KIAA0825: variants seen among roughly 807,000 people sequenced by gnomAD.
KIAA0825 encodes the protein uncharacterized protein KIAA0825.
In KIAA0825, 119 loss-of-function variants were observed where a neutral mutation model predicts 147.6. That is an observed-to-expected ratio of 0.81 (90% CI 0.69 to 0.94). The LOEUF is 0.94. KIAA0825 is among the 40% of genes least tolerant of loss of function. The pLI is 0.00. For missense variants in KIAA0825, 1,381 were observed against 1,472.7 expected, an observed-to-expected ratio of 0.94 and a Z score of 1.02; for synonymous variants, 470 against 518.1, an observed-to-expected ratio of 0.91 and a Z score of 1.26.
At chr5:94,413,189 G>C (rs1409945608) in intron 15 of KIAA0825, 4 of 151,634 alleles carry the variant, frequency 2.6e-5, no homozygotes, top group Non-Finnish European at 5.9e-5. Context: ...GACCGCAGAT[G>C]ATCTCCCACT....
At chr5:94,468,769 C>T (rs1395365819) in intron 10 of KIAA0825, among the ~76,000 whole-genome samples, 1 of 152,106 alleles carries the variant, frequency 6.6e-6, no homozygotes, top group Non-Finnish European at 1.5e-5. Flanking sequence ...GTGACAGGAG[C>T]GATTCTGATG....
chr5:94,600,645 C>G (rs1786230651), intron 1 of KIAA0825, among the ~76,000 whole-genome samples: 1 of 152,120 alleles, frequency 6.6e-6, no homozygotes, highest in African/African-American at 2.4e-5. Context: ...ATCACTGATT[C>G]ACTTACCTCT....
At chr5:94,498,290 C>G (rs1262766311) in intron 5 of KIAA0825, among the ~76,000 whole-genome samples, 1 of 152,164 alleles carries the variant, frequency 6.6e-6, no homozygotes, top group African/African-American at 2.4e-5. Context: ...CTTCTAATAA[C>G]AAGCTTATCC....
chr5:94,500,494 T>C (rs1413990491), intron 5 of KIAA0825, among the ~76,000 whole-genome samples: 1 of 152,144 alleles, frequency 6.6e-6, no homozygotes, highest in East Asian at 1.9e-4. Flanking sequence ...TCATAGTTTC[T>C]GGGTGAGTGA....
chr5:94,323,181 T>C (rs1780358087), intron 20 of KIAA0825, among the ~76,000 whole-genome samples: 1 of 152,010 alleles, frequency 6.6e-6, no homozygotes, highest in Non-Finnish European at 1.5e-5. Flanking sequence ...CTCTTTAATG[T>C]ATCCTCTATG....
rs775286023 is a variant in KIAA0825 at position 94,403,700 on chromosome 5, G to C, written c.2756C>G (p.Ser919Cys). 1.9e-6 allele frequency: 3 copies of C among 1,551,540 alleles called. No homozygotes were observed. In the South Asian group the frequency reaches 3.6e-5, roughly 18 times the overall value. Residue 919 changes from serine (S) to cysteine (C), a missense_variant, in exon 16 of 21, where the codon TCT becomes TGT. Coordinates refer to ENST00000682413, the MANE Select transcript of KIAA0825 (RefSeq NM_001145678.3). ...ACAGTTTCTCCTAGAACTCATTACA[G>C]ATACTATCTGCTGTACAGTGTCCTT... ...AIKDTVQQIV[S>C]VMSSRRNCET...
intron 20 of KIAA0825, among the ~76,000 whole-genome samples, chr5:94,174,796 A>T (rs1175015184): frequency 6.6e-6 from 1 of 152,168 alleles, no homozygotes; most frequent in East Asian, 1.9e-4. Flanking sequence ...TTTTAGTCAG[A>T]TGAGTGTCAC....
At chr5:94,219,740 A>G (rs1207570755) in intron 20 of KIAA0825, among the ~76,000 whole-genome samples, 1 of 152,136 alleles carries the variant, frequency 6.6e-6, no homozygotes, top group Non-Finnish European at 1.5e-5. Flanking sequence ...CTATATATAG[A>G]AAAGGAGTAA....
chr5:94,554,995 G>T (rs1242806159), intron 2 of KIAA0825, among the ~76,000 whole-genome samples: 1 of 151,256 alleles, frequency 6.6e-6, no homozygotes, highest in Non-Finnish European at 1.5e-5. Context: ...TATATATGTT[G>T]ATTTATTTTT....
At chr5:94,365,587 C>G (rs569272630) in intron 20 of KIAA0825, among the ~76,000 whole-genome samples, 123 of 152,304 alleles carry the variant, frequency 8.1e-4, no homozygotes, top group African/African-American at 2.4e-3. Context: ...AAAGCCATAA[C>G]TGAGAAAATT....
intron 20 of KIAA0825, among the ~76,000 whole-genome samples, chr5:94,310,791 C>A (rs1779100380): frequency 6.6e-6 from 1 of 151,612 alleles, no homozygotes; most frequent in South Asian, 2.1e-4. Flanking sequence ...TTTCAAAAAC[C>A]ATTATGTATA....
intron 2 of KIAA0825, among the ~76,000 whole-genome samples, chr5:94,548,848 T>C (rs1019873580): frequency 6.6e-6 from 1 of 152,190 alleles, no homozygotes; most frequent in Admixed American, 6.5e-5. Context: ...CATTATATTA[T>C]GATAAAGGGG....
chr5:94,161,332 C>T (rs138639925), intron 20 of KIAA0825, among the ~76,000 whole-genome samples: 3 of 152,270 alleles, frequency 2.0e-5, no homozygotes, highest in East Asian at 3.9e-4. Context: ...TATTTTCTCA[C>T]GCATTGTGTT....
intron 20 of KIAA0825, among the ~76,000 whole-genome samples, chr5:94,185,665 A>G (rs1770051049): frequency 1.3e-5 from 2 of 152,206 alleles, no homozygotes; most frequent in Admixed American, 1.3e-4. Context: ...TATGGAGTAC[A>G]TGTTCTGGAT....
At chr5:94,568,934 C>A in intron 2 of KIAA0825, 1 of 165,340 alleles carries the variant, frequency 6.0e-6, no homozygotes, top group South Asian at 1.8e-4. Flanking sequence ...TCCTCCTAAT[C>A]ACATAACCTG....
intron 20 of KIAA0825, among the ~76,000 whole-genome samples, chr5:94,190,215 T>C (rs1354962228): frequency 3.3e-5 from 5 of 152,248 alleles, no homozygotes; most frequent in Non-Finnish European, 5.9e-5. Context: ...ATCACGTCAT[T>C]TGCAAAGAAG....
intron 2 of KIAA0825, among the ~76,000 whole-genome samples, chr5:94,547,351 T>C (rs1774608653): frequency 6.6e-6 from 1 of 151,908 alleles, no homozygotes; most frequent in Non-Finnish European, 1.5e-5. Flanking sequence ...AACATTCAAG[T>C]TCAAGAAGGT....
intron 1 of KIAA0825, among the ~76,000 whole-genome samples, chr5:94,616,884 T>C (rs1380786138): frequency 1.3e-5 from 2 of 152,080 alleles, no homozygotes; most frequent in Admixed American, 1.3e-4. Flanking sequence ...TTACCTGGAG[T>C]GAAAATAATG....
rs373225658 is a variant in KIAA0825 at position 94,537,637 on chromosome 5, G to A, written c.-1-510C>T. ...CACTGCAGCCTGGGCGACAGAGCAA[G>A]ACTCTGTCTCAAAAAAAAAAAAAAA... On this transcript the variant is annotated intron_variant, in intron 2 of 20. Coordinates refer to ENST00000682413, the MANE Select transcript of KIAA0825 (RefSeq NM_001145678.3). Among the ~76,000 whole-genome samples the A allele has an allele frequency of 6.2e-5, 8 of 129,028 alleles. No individual in the cohort carries two copies. In the East Asian group the frequency reaches 1.7e-3, roughly 28 times the overall value. The allele number at this position is 129,028 out of a possible 152,430, so 84.6% of individuals were successfully genotyped here.
Sources: allele counts gnomAD v4.1 joint callset (sites outside exome capture counted in the v4.1 genomes callset), GRCh38; gene constraint gnomAD v4.1.1; transcripts MANE v1.5; gene names NCBI Gene and HGNC (gene_info 2026-07-23, HGNC 2026-07-21).